DNAH8: variants seen among roughly 807,000 people sequenced by gnomAD.
DNAH8 encodes dynein axonemal heavy chain 8.
DNAH8 carries 382 observed loss-of-function variants against 562.1 expected under a neutral mutation model. The observed-to-expected ratio is 0.68, with a 90% CI of 0.63 to 0.74. DNAH8 has a LOEUF of 0.74. DNAH8 is among the 30% of genes least tolerant of loss of function. The pLI is 0.00. For missense variants in DNAH8, 5,203 were observed against 5,620.4 expected (o/e 0.93, Z 2.37); for synonymous variants, 1,881 against 1,919.4 (o/e 0.98, Z 0.52).
intron 3 of DNAH8, among the ~76,000 whole-genome samples, chr6:38,726,381 G>GT (rs1160514115): frequency 6.6e-6 from 1 of 152,192 alleles, no homozygotes; most frequent in Non-Finnish European, 1.5e-5. Context: ...GGTATTCTCT[G>GT]TTTGGAGGAA....
Position 38,951,386 on chromosome 6 carries a change from A to G in DNAH8, c.12317A>G (p.Tyr4106Cys). Residue 4106 changes from tyrosine to cysteine, a missense_variant, in exon 82 of 93, where the codon TAC becomes TGC. Physicochemically the swap from Tyr to Cys is radical, Grantham distance 194. Around this residue, in one of 6 missense-constraint regions of DNAH8, gnomAD observed 1,399 missense variants for 1,518.4 expected, o/e 0.92. Transcript: ENST00000327475. Reference sequence around the variant, plus strand: ...ATTGCAGATTCTTTGGAGGAGAAGTACACAGAACCAGTTATCTTAAATCTG... The same window carrying G: ...ATTGCAGATTCTTTGGAGGAGAAGTGCACAGAACCAGTTATCTTAAATCTG... ...KYIADSLEEK[Y>C]TEPVILNLEK... 1 of 1,614,220 alleles carries G rather than the reference A, an allele frequency of 6.2e-7. No individual in the cohort carries two copies. The highest frequency in any genetic ancestry group is 1.1e-5 in the South Asian group (1 of 91,084).
chr6:38,864,054 A>G lies in DNAH8; in HGVS notation c.6492A>G (p.Leu2164=), dbSNP rs150999554. The G allele has an allele frequency of 3.7e-6, 6 of 1,604,676 alleles. No individual in the cohort carries two copies. In the African/African-American group the frequency reaches 8.1e-5, roughly 22 times the overall value. ...VDLNPEFGIF[L]TMNPGYAGRQ... ...TAAATCCAGAATTTGGAATCTTCTT[A>G]ACGATGGTGAGAAAAAAGGCTTTAA... The change falls in exon 45 of 93, where the codon TTA becomes TTG. Residue 2164 remains leucine (L), a synonymous_variant. Coordinates refer to ENST00000327475, the MANE Select transcript of DNAH8 (RefSeq NM_001206927.2).
chr6:38,722,048 C>T (rs1762794152), intron 1 of DNAH8, among the ~76,000 whole-genome samples: 1 of 152,236 alleles, frequency 6.6e-6, no homozygotes, highest in Admixed American at 6.5e-5. Context: ...TCCTTTTCCA[C>T]TGGCGTCCCC....
intron 12 of DNAH8, among the ~76,000 whole-genome samples, chr6:38,771,880 T>G (rs949790260): frequency 1.3e-5 from 2 of 152,184 alleles, no homozygotes; most frequent in Admixed American, 1.3e-4. Flanking sequence ...TGGGCATATG[T>G]TGTCATTTCT....
chr6:38,903,160 T>C (rs1388795304), intron 62 of DNAH8, among the ~76,000 whole-genome samples: 3 of 152,198 alleles, frequency 2.0e-5, no homozygotes, highest in Non-Finnish European at 4.4e-5. Flanking sequence ...CTGTTCTGTA[T>C]TAGTCAGTTT....
At chr6:38,972,970 C>T (rs1441690838) in intron 83 of DNAH8, among the ~76,000 whole-genome samples, 1 of 152,134 alleles carries the variant, frequency 6.6e-6, no homozygotes, top group Non-Finnish European at 1.5e-5. Context: ...ATTTATCATG[C>T]TCACTATTTT....
intron 88 of DNAH8, among the ~76,000 whole-genome samples, chr6:39,003,509 A>G (rs1166344961): frequency 6.6e-6 from 1 of 152,238 alleles, no homozygotes; most frequent in Non-Finnish European, 1.5e-5. Context: ...AAAAGAAACT[A>G]ATAATTACAT....
chr6:39,024,794 T>G (rs934873204), intron 91 of DNAH8, among the ~76,000 whole-genome samples: 2 of 152,176 alleles, frequency 1.3e-5, no homozygotes, highest in African/African-American at 2.4e-5. Flanking sequence ...CTCCTATACT[T>G]AACATTTTGT....
At chr6:38,934,953 A>G (rs1782833510) in intron 76 of DNAH8, among the ~76,000 whole-genome samples, 1 of 152,242 alleles carries the variant, frequency 6.6e-6, no homozygotes, top group Non-Finnish European at 1.5e-5. Context: ...TTAGGCTTGC[A>G]ACTTTTTGAA....
At chr6:38,914,201 A>G (rs560238798) in intron 67 of DNAH8, among the ~76,000 whole-genome samples, 219 of 151,470 alleles carry the variant, frequency 1.4e-3, no homozygotes, top group Non-Finnish European at 1.6e-3. Context: ...GTTCTTTTTC[A>G]TCTGTTTATG....
Position 38,842,671 on chromosome 6 carries a change from A to C in DNAH8, c.4613A>C (p.Lys1538Thr). 1 of 1,609,942 alleles carries C rather than the reference A, an allele frequency of 6.2e-7. No homozygotes were observed. Among genetic ancestry groups the C allele is most frequent in the Non-Finnish European group, 8.5e-7 (1 of 1,178,908 alleles). ...ELLEFQNRCRKLPKGLKDWQA... is the reference protein window; with the variant it reads ...ELLEFQNRCRTLPKGLKDWQA... ...CTCTTTCTTTCTGAAAGATGTCGTA[A>C]ACTTCCAAAAGGACTTAAAGATTGG... Residue 1538 changes from lysine (K) to threonine (T), a missense_variant, in exon 35 of 93, where the codon AAA (lysine) becomes ACA (threonine). By Grantham distance (78) the Lys-to-Thr change is moderately conservative. Coordinates refer to ENST00000327475, the MANE Select transcript of DNAH8 (RefSeq NM_001206927.2).
chr6:39,020,022 C>T (rs1253877104), intron 91 of DNAH8, among the ~76,000 whole-genome samples: 1 of 151,482 alleles, frequency 6.6e-6, no homozygotes, highest in Non-Finnish European at 1.5e-5. Flanking sequence ...GAAAGGTTTG[C>T]GAGAGAGGGG....
intron 7 of DNAH8, among the ~76,000 whole-genome samples, chr6:38,739,526 G>A (rs1357848516): frequency 1.3e-5 from 2 of 152,138 alleles, no homozygotes; most frequent in Non-Finnish European, 2.9e-5. Flanking sequence ...ATAGAACATG[G>A]CTAGGCATGG....
chr6:38,764,089 G>A (rs371220127), intron 11 of DNAH8: 5 of 153,540 alleles, frequency 3.3e-5, no homozygotes, highest in East Asian at 3.9e-4. Context: ...GAAAAACTTT[G>A]TGATAGGCTT....
chr6:38,927,766 C>T (rs1782230343), intron 74 of DNAH8, among the ~76,000 whole-genome samples: 1 of 152,134 alleles, frequency 6.6e-6, no homozygotes, highest in South Asian at 2.1e-4. Flanking sequence ...TTAGCTTTAT[C>T]TCTCCATTTC....
At chr6:39,003,325 A>G (rs1561964736) in intron 88 of DNAH8, among the ~76,000 whole-genome samples, 2 of 152,228 alleles carry the variant, frequency 1.3e-5, no homozygotes, top group Admixed American at 6.5e-5. Flanking sequence ...AGTGAACCTG[A>G]AATATTTGTC....
chr6:38,872,839 T>C, intron 50 of DNAH8, 57 bp downstream of exon 50: 3 of 1,606,496 alleles, frequency 1.9e-6, no homozygotes, highest in South Asian at 1.1e-5. Context: ...TAACACAGTA[T>C]TTTTTTGATT....
chr6:38,923,137 AAATCCGGTGGACCCAGCAAAGTAAAG>A lies in DNAH8; in HGVS notation c.10746_10771del (p.Arg3583GlnfsTer5). 1 of 1,613,778 alleles carries A rather than the reference AAATCCGGTGGACCCAGCAAAGTAAAG, an allele frequency of 6.2e-7. No homozygotes were observed. The highest frequency in any genetic ancestry group is 8.5e-7 in the Non-Finnish European group (1 of 1,179,838). On this transcript the variant is annotated frameshift_variant, in exon 72 of 93. Coordinates refer to ENST00000327475, the MANE Select transcript of DNAH8 (RefSeq NM_001206927.2). LOFTEE classifies it high-confidence loss of function. ...CTCATCGATGGGCTGAGTGGAGAAA[AAATCCGGTGGACCCAGCAAAGTAAAG>A]AATTCAAAGCTCAGATTAATAGGTG...
At chr6:38,779,691 A>G (rs1768397621) in intron 14 of DNAH8, among the ~76,000 whole-genome samples, 1 of 152,180 alleles carries the variant, frequency 6.6e-6, no homozygotes, top group Admixed American at 6.5e-5. Context: ...AGACTTGTCT[A>G]GGTCTCTCTT....
Sources: gnomAD v4.1 joint callset for allele counts (sites outside exome capture counted in the v4.1 genomes callset) on GRCh38, gnomAD v4.1.1 for gene constraint, gnomAD v4.1.1 regional missense constraint, MANE v1.5 for transcripts, NCBI Gene and HGNC (gene_info 2026-07-23, HGNC 2026-07-21) for gene names.